Variants in SMC5 observed in about 807,000 individuals in gnomAD.
SMC5 encodes the protein structural maintenance of chromosomes 5, also known as structural maintenance of chromosomes protein 5.
SMC5 carries 88 observed loss-of-function variants against 148.3 expected under a neutral mutation model. The ratio of observed to expected loss-of-function variants is 0.59; its 90% confidence interval spans 0.50 to 0.71. SMC5 has a LOEUF of 0.71. Among genes scored for constraint, SMC5 ranks in the 30% least tolerant of loss-of-function variants. The pLI, the probability that SMC5 is intolerant of heterozygous loss-of-function variation, is 0.00. For missense variants in SMC5, 1,142 were observed against 1,298.9 expected, an observed-to-expected ratio of 0.88 and a Z score of 1.86; for synonymous variants, 421 against 432.8, an observed-to-expected ratio of 0.97 and a Z score of 0.34.
intron 17 of SMC5, among the ~76,000 whole-genome samples, chr9:70,327,317 C>T (rs995674327): frequency 2.0e-5 from 3 of 152,056 alleles, no homozygotes; most frequent in African/African-American, 7.2e-5. Context: ...CATGAAGAAT[C>T]GTATACCCGC....
In SMC5 at chr9:70,347,605, C is replaced by A; in HGVS notation, c.2665-8C>A. On this transcript the variant is annotated splice_polypyrimidine_tract_variant and splice_region_variant and intron_variant, in intron 20 of 24. Coordinates refer to ENST00000361138, the MANE Select transcript of SMC5 (RefSeq NM_015110.4). ...TTATCTTAAAGAAGTTTTTTTTTCC[C>A]CTGCCAGATTGTTCAGGAATATACA... is the stretch of plus-strand genomic sequence containing the variant. The A allele has an allele frequency of 1.4e-6, 2 of 1,453,066 alleles. No homozygotes were observed. Among genetic ancestry groups the A allele is most frequent in the South Asian group, 1.3e-5 (1 of 77,844 alleles). The allele number at this position is 1,453,066 out of a possible 1,614,324, so 90.0% of individuals were successfully genotyped here.
Position 70,350,360 on chromosome 9 carries a change from T to C in SMC5, c.3070-16T>C, listed in dbSNP as rs532000394. 6 of 1,610,782 alleles carry C rather than the reference T, an allele frequency of 3.7e-6. No homozygotes were observed. In the Admixed American group the frequency reaches 1.0e-4, roughly 27 times the overall value. On this transcript the variant is annotated splice_polypyrimidine_tract_variant and intron_variant, in intron 23 of 24. Coordinates refer to ENST00000361138, the MANE Select transcript of SMC5 (RefSeq NM_015110.4). ...TAACAGGAATAAATGTAATCATTAT[T>C]GTTGCCATTGTTTAGGGAATGGACC...
chr9:70,347,574 G>T, intron 20 of SMC5, 39 bp from the exon 21 acceptor site: 1 of 1,075,752 alleles, frequency 9.3e-7, no homozygotes, highest in Non-Finnish European at 1.4e-6. Context: ...TTATCCTTTG[G>T]TAGATTTATC....
chr9:70,282,948 G>T (rs909116097), intron 7 of SMC5, among the ~76,000 whole-genome samples: 1 of 152,078 alleles, frequency 6.6e-6, no homozygotes, highest in Non-Finnish European at 1.5e-5. Context: ...GATGTTTTTG[G>T]AATAGATAAT....
At chr9:70,268,065 A>G (rs960839405) in intron 3 of SMC5, 90 bp downstream of exon 3, 22 of 961,010 alleles carry the variant, frequency 2.3e-5, no homozygotes, top group Admixed American at 1.6e-4. Context: ...GAGTATTAAT[A>G]TAGTATTATG....
At chr9:70,323,417 C>A in intron 15 of SMC5, 66 bp from the exon 16 acceptor site, 1 of 1,470,186 alleles carries the variant, frequency 6.8e-7, no homozygotes, top group African/African-American at 1.4e-5. Flanking sequence ...CTGGGGGGGA[C>A]CTAAGAATTT....
intron 24 of SMC5, among the ~76,000 whole-genome samples, chr9:70,350,887 G>T (rs2036789052): frequency 6.6e-6 from 1 of 151,930 alleles, no homozygotes. Flanking sequence ...TCTATTCACA[G>T]GTTAATTCTG....
chr9:70,347,547 C>T (rs1247349950), intron 20 of SMC5, 66 bp from the exon 21 acceptor site: 2 of 842,966 alleles, frequency 2.4e-6, no homozygotes, highest in African/African-American at 3.5e-5. Context: ...TTAATCAATG[C>T]AAAATTGTAT....
Position 70,300,130 on chromosome 9 carries a change from A to G in SMC5, c.1394A>G (p.Asp465Gly). The G allele has an allele frequency of 6.2e-7, 1 of 1,603,556 alleles. No homozygotes were observed. The highest frequency in any genetic ancestry group is 8.5e-7 in the Non-Finnish European group (1 of 1,177,076). The change falls in exon 10 of 25, where the codon GAT becomes GGT. Residue 465 changes from aspartate (D) to glycine (G), a missense_variant. Asp to Gly is a moderately conservative substitution (Grantham distance 94). This residue lies in a region of SMC5 where 743 missense variants were observed against 835.7 expected (regional missense o/e 0.89). Transcript: ENST00000361138. ...AGACAGAGATTCCGTGACACGTATGATGCTGTTTTATGGCTAAGAAATAAC... is the reference window on the plus strand; with the variant it reads ...AGACAGAGATTCCGTGACACGTATGGTGCTGTTTTATGGCTAAGAAATAAC... The part of the protein sequence containing the change: ...KLRQRFRDTY[D>G]AVLWLRNNRD...
rs59694037 is a variant in SMC5, at chr9:70,309,318, C to CTTTTTTTTTT, written c.1578+3980_1578+3989dup. 3.4e-3 allele frequency among the ~76,000 whole-genome samples: 267 copies of CTTTTTTTTTT among 79,142 alleles called. 19 individuals carry two copies. Among genetic ancestry groups the CTTTTTTTTTT allele is most frequent in the Non-Finnish European group, 4.7e-3 (203 of 42,796 alleles). 51.9% of individuals were successfully genotyped at this position (79,142 alleles called of 152,430 possible). A position where few individuals can be genotyped will look rare whatever the true frequency, so the allele number is the denominator to read the frequency against. ...ATAGCAGAATTTCTTTTTCCTTTTC[C>CTTTTTTTTTT]TTTTTTTTTTTTTTTTTTTTTTTTT... On this transcript the variant is annotated intron_variant, in intron 11 of 24. Coordinates refer to ENST00000361138, the MANE Select transcript of SMC5 (RefSeq NM_015110.4).
chr9:70,286,133 G>C, intron 7 of SMC5, 67 bp from the exon 8 acceptor site: 1 of 917,974 alleles, frequency 1.1e-6, no homozygotes, highest in South Asian at 1.3e-5. Flanking sequence ...AATGGGCAGG[G>C]CCATATAATT....
chr9:70,309,317 C>CTTTTT (rs1564050219), intron 11 of SMC5, among the ~76,000 whole-genome samples: 2 of 47,324 alleles, frequency 4.2e-5, no homozygotes, highest in Non-Finnish European at 5.2e-5. Context: ...TTTTCCTTTT[C>CTTTTT]CTTTTTTTTT....
intron 6 of SMC5, 94 bp from the exon 7 acceptor site, chr9:70,282,328 T>C (rs2034771879): frequency 7.6e-7 from 1 of 1,308,214 alleles, no homozygotes; most frequent in African/African-American, 1.5e-5. Flanking sequence ...AAACAATCTT[T>C]TCTTACATTT....
rs770803938 is a variant in SMC5, at chr9:70,280,746, A to T, written c.679-13A>T. On this transcript the variant is annotated splice_polypyrimidine_tract_variant and intron_variant, in intron 5 of 24. Coordinates refer to ENST00000361138, the MANE Select transcript of SMC5 (RefSeq NM_015110.4). ...TTCTGTCAAACTGATTGTTCAACATATATTTATTGTAGACCTCATGCAAAG... is the reference window on the plus strand; with the variant it reads ...TTCTGTCAAACTGATTGTTCAACATTTATTTATTGTAGACCTCATGCAAAG... 1 of 1,600,356 alleles carries T rather than the reference A, an allele frequency of 6.2e-7. No homozygotes were observed. Among genetic ancestry groups the T allele is most frequent in the South Asian group, 1.1e-5 (1 of 88,928 alleles).
chr9:70,291,248 T>C (rs1435256672), intron 8 of SMC5, among the ~76,000 whole-genome samples: 1 of 152,226 alleles, frequency 6.6e-6, no homozygotes, highest in Non-Finnish European at 1.5e-5. Flanking sequence ...CCCATATGTT[T>C]CCCAGTCTTT....
intron 1 of SMC5, among the ~76,000 whole-genome samples, chr9:70,261,597 G>T (rs1434178307): frequency 1.3e-5 from 2 of 152,212 alleles, no homozygotes; most frequent in Admixed American, 1.3e-4. Context: ...GCAGAATGTA[G>T]GAGTCTGGAG....
At chr9:70,308,004 T>C (rs1306529151) in intron 11 of SMC5, among the ~76,000 whole-genome samples, 2 of 152,182 alleles carry the variant, frequency 1.3e-5, no homozygotes, top group African/African-American at 4.8e-5. Context: ...AATCCTATTT[T>C]CTTTTAGACA....
At chr9:70,347,840 T>C (rs1419572154) in intron 21 of SMC5, 79 bp from the exon 22 acceptor site, 7 of 1,401,274 alleles carry the variant, frequency 5.0e-6, no homozygotes, top group East Asian at 2.4e-5. Flanking sequence ...GATACTGATA[T>C]AAAATTTACA....
chr9:70,298,379 A>G (rs986448264), intron 9 of SMC5, among the ~76,000 whole-genome samples, 158 bp downstream of exon 9: 1 of 152,144 alleles, frequency 6.6e-6, no homozygotes, highest in Admixed American at 6.5e-5. Context: ...TTAATTATCT[A>G]TATCTGTCGT....
Sources: allele counts gnomAD v4.1 joint callset (sites outside exome capture counted in the v4.1 genomes callset), GRCh38; gene constraint gnomAD v4.1.1; regional missense constraint gnomAD v4.1.1; transcripts MANE v1.5; gene names NCBI Gene and HGNC (gene_info 2026-07-23, HGNC 2026-07-21).